Variants in MAGI2 observed in about 807,000 individuals in gnomAD.
The protein encoded by MAGI2 is membrane-associated guanylate kinase, WW and PDZ domain-containing protein 2.
A neutral mutation model predicts 133.3 loss-of-function variants in MAGI2; 35 were observed. That is an observed-to-expected ratio of 0.26 (90% confidence interval 0.20 to 0.35). MAGI2 has a LOEUF of 0.35. MAGI2 is among the 10% of genes least tolerant of loss of function. The pLI is 1.00. For synonymous variants in MAGI2, 729 were observed against 710.6 expected, an observed-to-expected ratio of 1.03 and a Z score of -0.41; for missense variants, 1,636 against 1,863.4, an observed-to-expected ratio of 0.88 and a Z score of 2.25.
At chr7:79,100,261 A>G (rs1817860680) in intron 1 of MAGI2, among the ~76,000 whole-genome samples, 1 of 152,176 alleles carries the variant, frequency 6.6e-6, no homozygotes, top group African/African-American at 2.4e-5. Context: ...TCTGATTAGC[A>G]TAACCAAACT....
At chr7:78,489,291 G>T (rs1563074526) in intron 6 of MAGI2, among the ~76,000 whole-genome samples, 1 of 151,994 alleles carries the variant, frequency 6.6e-6, no homozygotes, top group South Asian at 2.1e-4. Flanking sequence ...CAGGCAACTG[G>T]TTATTTTATT....
At chr7:79,124,944 C>CT (rs1820269595) in intron 1 of MAGI2, 1 of 289,766 alleles carries the variant, frequency 3.5e-6, no homozygotes, top group Non-Finnish European at 6.7e-6. Flanking sequence ...GTGGATGCAG[C>CT]CCTGAATTAA....
intron 2 of MAGI2, among the ~76,000 whole-genome samples, chr7:78,999,786 A>C (rs2116441881): frequency 6.6e-6 from 1 of 152,304 alleles, no homozygotes; most frequent in South Asian, 2.1e-4. Flanking sequence ...GTTTGTTTAC[A>C]GACTTCCTTT....
intron 9 of MAGI2, among the ~76,000 whole-genome samples, chr7:78,266,643 T>A (rs1330690561): frequency 6.6e-6 from 1 of 152,010 alleles, no homozygotes; most frequent in South Asian, 2.1e-4. Flanking sequence ...AGTGGCATGA[T>A]CTCAGCTTAC....
At chr7:78,241,795 G>A (rs1305827066) in intron 10 of MAGI2, among the ~76,000 whole-genome samples, 1 of 151,950 alleles carries the variant, frequency 6.6e-6, no homozygotes, top group East Asian at 1.9e-4. Context: ...TTAGCAGGGT[G>A]TGGTGGTGTG....
intron 5 of MAGI2, among the ~76,000 whole-genome samples, chr7:78,491,495 C>T (rs112812547): frequency 2.0e-5 from 3 of 151,992 alleles, no homozygotes; most frequent in African/African-American, 7.2e-5. Context: ...AAGGGCTCTT[C>T]GATGATAAAT....
At chr7:79,132,820 T>C (rs1403382976) in intron 1 of MAGI2, among the ~76,000 whole-genome samples, 3 of 152,162 alleles carry the variant, frequency 2.0e-5, no homozygotes, top group Non-Finnish European at 4.4e-5. Context: ...GTATTGTTTT[T>C]TAACTTTTTA....
intron 1 of MAGI2, among the ~76,000 whole-genome samples, chr7:79,009,429 C>A (rs1375021500): frequency 2.0e-5 from 3 of 151,768 alleles, no homozygotes; most frequent in Admixed American, 2.0e-4. Flanking sequence ...ACATACAATC[C>A]CCTTTGTTTT....
At chr7:78,263,254 A>T (rs1282793553) in intron 9 of MAGI2, among the ~76,000 whole-genome samples, 1 of 152,146 alleles carries the variant, frequency 6.6e-6, no homozygotes, top group African/African-American at 2.4e-5. Flanking sequence ...TGCCTTTGCT[A>T]TTGTGAAGAG....
chr7:79,060,335 C>G (rs1584819013), intron 1 of MAGI2, among the ~76,000 whole-genome samples: 1 of 151,790 alleles, frequency 6.6e-6, no homozygotes, highest in African/African-American at 2.4e-5. Flanking sequence ...ATGCAATTAT[C>G]TTTTTCATGC....
chr7:78,646,034 T>G (rs1810856182), intron 2 of MAGI2, among the ~76,000 whole-genome samples: 1 of 152,142 alleles, frequency 6.6e-6, no homozygotes, highest in South Asian at 2.1e-4. Context: ...GCACTGCACC[T>G]GGCCCAGCAA....
intron 1 of MAGI2, among the ~76,000 whole-genome samples, chr7:79,450,808 T>A (rs1849187503): frequency 1.3e-5 from 2 of 152,186 alleles, no homozygotes; most frequent in Admixed American, 1.3e-4. Flanking sequence ...TCTTCATGGA[T>A]ACCCACAATG....
At chr7:78,096,503 A>G (rs897101928) in intron 20 of MAGI2, among the ~76,000 whole-genome samples, 2 of 152,216 alleles carry the variant, frequency 1.3e-5, no homozygotes, top group East Asian at 1.9e-4. Flanking sequence ...AAACCTGACC[A>G]TATAAAACTC....
chr7:78,497,024 A>C (rs1487034725), intron 5 of MAGI2, among the ~76,000 whole-genome samples: 1 of 152,172 alleles, frequency 6.6e-6, no homozygotes. Flanking sequence ...AAAACGCTTA[A>C]CAGATGAACT....
chr7:78,705,298 T>C (rs1455440453), intron 2 of MAGI2, among the ~76,000 whole-genome samples: 1 of 152,052 alleles, frequency 6.6e-6, no homozygotes, highest in Non-Finnish European at 1.5e-5. Flanking sequence ...CTCTCTTCTC[T>C]CTCCTGCTGC....
At chr7:78,022,751 T>C (rs1808523210) in intron 21 of MAGI2, among the ~76,000 whole-genome samples, 1 of 152,242 alleles carries the variant, frequency 6.6e-6, no homozygotes, top group Non-Finnish European at 1.5e-5. Flanking sequence ...CCATCATTAG[T>C]TGGCTTCAAA....
chr7:78,713,712 C>T, intron 2 of MAGI2, among the ~76,000 whole-genome samples: 1 of 152,116 alleles, frequency 6.6e-6, no homozygotes, highest in East Asian at 1.9e-4. Context: ...CTCTTACTTG[C>T]TTTCCTTCAA....
intron 2 of MAGI2, among the ~76,000 whole-genome samples, chr7:78,970,493 A>G (rs766073195): frequency 2.5e-4 from 38 of 152,224 alleles, no homozygotes; most frequent in Admixed American, 5.2e-4. Flanking sequence ...TGAAAAGCCT[A>G]TGAGATAAAT....
At chr7:79,111,454 T>A (rs1818916832) in intron 1 of MAGI2, among the ~76,000 whole-genome samples, 1 of 152,248 alleles carries the variant, frequency 6.6e-6, no homozygotes, top group African/African-American at 2.4e-5. Context: ...TTATCATTTT[T>A]GGTATTTTAG....
Sources: gnomAD v4.1 joint callset for allele counts (sites outside exome capture counted in the v4.1 genomes callset) on GRCh38, gnomAD v4.1.1 for gene constraint, MANE v1.5 for transcripts, NCBI Gene and HGNC (gene_info 2026-07-23, HGNC 2026-07-21) for gene names.